Variants in LLGL2 observed in about 807,000 individuals in gnomAD.
The protein encoded by LLGL2 is LLGL scribble cell polarity complex component 2.
LLGL2 carries 81 observed loss-of-function variants against 123.2 expected under a neutral mutation model. That is an observed-to-expected ratio of 0.66 (90% CI 0.55 to 0.79). The LOEUF (loss-of-function observed/expected upper bound fraction) is 0.79, where lower values mean the gene tolerates loss of function less well. Among genes scored for constraint, LLGL2 ranks in the 30% least tolerant of loss-of-function variants. The pLI is 0.00. For missense variants in LLGL2, 1,273 were observed against 1,414.6 expected (o/e 0.90, Z 1.61); for synonymous variants, 577 against 594.1 (o/e 0.97, Z 0.42).
At chr17:75,562,623 C>T in intron 6 of LLGL2, 1 of 228,376 alleles carries the variant, frequency 4.4e-6, no homozygotes, top group Non-Finnish European at 8.9e-6. Flanking sequence ...GGCTGGAGTG[C>T]AGTGGCACGA....
chr17:75,556,827 G>A (rs3896707), intron 3 of LLGL2, among the ~76,000 whole-genome samples: 70,989 of 152,022 alleles, frequency 0.47, 17,629 homozygotes, highest in South Asian at 0.59. Flanking sequence ...GGAGTTCAAG[G>A]CCAGCCTGGT....
intron 16 of LLGL2, 103 bp from the exon 17 acceptor site, chr17:75,570,847 T>G (rs1598633224): frequency 7.7e-6 from 11 of 1,427,968 alleles, no homozygotes; most frequent in Non-Finnish European, 1.0e-5. Context: ...GTGGCTGGCA[T>G]GGCTGTGGCC....
At chr17:75,569,794 C>T (rs2055613102) in intron 14 of LLGL2, among the ~76,000 whole-genome samples, 169 bp from the exon 15 acceptor site, 1 of 122,240 alleles carries the variant, frequency 8.2e-6, no homozygotes, top group South Asian at 2.3e-4. Flanking sequence ...CAGAGCAAGA[C>T]TTGTCTCAAA....
At chr17:75,556,273 T>G (rs763595192) in intron 3 of LLGL2, 130 bp downstream of exon 3, 2 of 739,280 alleles carry the variant, frequency 2.7e-6, no homozygotes, top group Admixed American at 2.5e-5. Context: ...TTTCCAGTTT[T>G]GGACATGATT....
Position 75,568,594 on chromosome 17 carries a change from C to T in LLGL2, c.1155C>T (p.Ser385=), listed in dbSNP as rs779157153. 3.2e-5 allele frequency: 51 copies of T among 1,613,848 alleles called. 1 individual carries two copies. In the South Asian group the frequency reaches 3.3e-4, roughly 10 times the overall value. The change falls in exon 11 of 26, where the codon TCC becomes TCT. Residue 385 remains serine, a synonymous_variant. Transcript: ENST00000392550. ...QLPYLASLHC[S]AITCSHHVSN... Reference sequence around the variant, plus strand: ...CCTACCTGGCTTCTCTGCACTGTTCCGCCATCACCTGCTCTCACCACGTCT... The same window carrying T: ...CCTACCTGGCTTCTCTGCACTGTTCTGCCATCACCTGCTCTCACCACGTCT...
chr17:75,527,242 G>A (rs1040799595), intron 1 of LLGL2, among the ~76,000 whole-genome samples: 1 of 151,824 alleles, frequency 6.6e-6, no homozygotes, highest in Non-Finnish European at 1.5e-5. Context: ...GGAGAACTGT[G>A]CGAGAGATGT....
In LLGL2 at chr17:75,560,002, G is replaced by C. The variant is rs561349605; in HGVS notation, c.530+592G>C. ...GATAGCATCTGACAAGATCATGTTG[G>C]GGCCGGGTCGGTCATGGTGGAATGA... is the stretch of plus-strand genomic sequence containing the variant. On this transcript the variant is annotated intron_variant, in intron 6 of 25. Transcript: ENST00000392550. 1.3e-3 allele frequency among the ~76,000 whole-genome samples: 201 copies of C among 152,322 alleles called. 1 individual carries two copies. The highest frequency in any genetic ancestry group is 4.1e-3 in the African/African-American group (171 of 41,576).
chr17:75,545,211 C>T (rs2054371954), intron 2 of LLGL2, among the ~76,000 whole-genome samples: 1 of 152,124 alleles, frequency 6.6e-6, no homozygotes, highest in Non-Finnish European at 1.5e-5. Context: ...CCCCTATCCC[C>T]CAGGGGTGAT....
At chr17:75,526,398 A>C (rs964875475) in intron 1 of LLGL2, among the ~76,000 whole-genome samples, 6 of 152,230 alleles carry the variant, frequency 3.9e-5, no homozygotes, top group African/African-American at 1.4e-4. Context: ...TTCACATGAC[A>C]GTGCGGAGAC....
At chr17:75,552,664 T>C (rs1468882464) in intron 2 of LLGL2, among the ~76,000 whole-genome samples, 1 of 152,210 alleles carries the variant, frequency 6.6e-6, no homozygotes, top group Admixed American at 6.5e-5. Context: ...AAGTACTAGA[T>C]CTGTATTTAG....
intron 1 of LLGL2, among the ~76,000 whole-genome samples, chr17:75,530,329 C>T (rs895877825): frequency 2.0e-5 from 3 of 152,070 alleles, no homozygotes; most frequent in Non-Finnish European, 2.9e-5. Context: ...AGTGAGATCG[C>T]GTCTCTACAA....
chr17:75,539,534 G>T (rs1050769753), intron 1 of LLGL2, among the ~76,000 whole-genome samples: 1 of 151,172 alleles, frequency 6.6e-6, no homozygotes, highest in South Asian at 2.1e-4. Context: ...GTGAGCCACC[G>T]TGCCCAGCCC....
intron 2 of LLGL2, among the ~76,000 whole-genome samples, chr17:75,555,472 G>A (rs1036256298): frequency 1.3e-5 from 2 of 152,026 alleles, no homozygotes; most frequent in African/African-American, 2.4e-5. Context: ...TATGTGCAAC[G>A]ACACTCCAGG....
intron 3 of LLGL2, among the ~76,000 whole-genome samples, chr17:75,556,520 G>A (rs902101222): frequency 1.3e-5 from 2 of 152,128 alleles, no homozygotes; most frequent in East Asian, 1.9e-4. Flanking sequence ...CCCCAGTCCC[G>A]GGCAGGGGGT....
chr17:75,548,745 G>T (rs2054539533), intron 2 of LLGL2, among the ~76,000 whole-genome samples: 1 of 126,008 alleles, frequency 7.9e-6, no homozygotes, highest in Non-Finnish European at 1.7e-5. Context: ...GACAGAGTGA[G>T]ATTCTGTCTC....
At position 75,573,532 on chromosome 17, in the gene LLGL2, A is replaced by G. The variant is rs1326479363; in HGVS notation, c.2777A>G (p.Lys926Arg). 3.1e-6 allele frequency: 5 copies of G among 1,612,518 alleles called. No homozygotes were observed. The highest frequency in any genetic ancestry group is 1.3e-5 in the African/African-American group (1 of 74,878). Reference sequence around the variant, plus strand: ...TTTGAGCGCTTCTCTCTCTCCACCAAGTGGCTGGTGGAGCCCCGGTGTCTG... The same window carrying G: ...TTTGAGCGCTTCTCTCTCTCCACCAGGTGGCTGGTGGAGCCCCGGTGTCTG... Reference protein sequence around the residue: ...SEFERFSLSTKWLVEPRCLVD... With the variant: ...SEFERFSLSTRWLVEPRCLVD... The change falls in exon 21 of 26, where the codon AAG becomes AGG. Residue 926 changes from lysine to arginine, a missense_variant. Physicochemically the swap from Lys to Arg is conservative, Grantham distance 26 (BLOSUM62 2). Transcript: ENST00000392550.
chr17:75,574,592 CTGTCTT>C lies in LLGL2; in HGVS notation c.2997-15_2997-10del. ...GGAGGTCCCTGAGGCCATGACTCCCCTGTCTTTGCCTGTGCAGGAGCGGCAACTGGC... is the reference window on the plus strand; with the variant it reads ...GGAGGTCCCTGAGGCCATGACTCCCCTGCCTGTGCAGGAGCGGCAACTGGC... On this transcript the variant is annotated splice_polypyrimidine_tract_variant and intron_variant, in intron 24 of 25. Transcript: ENST00000392550. The C allele has an allele frequency of 6.2e-7, 1 of 1,611,654 alleles. No homozygotes were observed.
Position 75,536,202 on chromosome 17 carries a change from G to A in LLGL2, c.-30-7195G>A, listed in dbSNP as rs935913956. 2.0e-4 allele frequency among the ~76,000 whole-genome samples: 30 copies of A among 152,162 alleles called. 1 individual carries two copies. The highest frequency in any genetic ancestry group is 4.0e-4 in the Non-Finnish European group (27 of 68,032). ...TTTCCTGAGAAGCCTCATCTCAGAG[G>A]TGGCGCTCTGGCTAGGTGGCAACCC... On this transcript the variant is annotated intron_variant, in intron 1 of 25. Transcript: ENST00000392550.
At chr17:75,566,291 A>G (rs1036131353) in intron 10 of LLGL2, among the ~76,000 whole-genome samples, 10 of 152,200 alleles carry the variant, frequency 6.6e-5, no homozygotes, top group Non-Finnish European at 1.3e-4. Context: ...GGGTGCCATG[A>G]TCTAGCCTCT....
Sources: gnomAD v4.1 joint callset for allele counts (sites outside exome capture counted in the v4.1 genomes callset) on GRCh38, gnomAD v4.1.1 for gene constraint, MANE v1.5 for transcripts, NCBI Gene and HGNC (gene_info 2026-07-23, HGNC 2026-07-21) for gene names.